Variants in ASB14 observed in about 807,000 individuals in gnomAD.
ASB14 encodes ankyrin repeat and SOCS box containing 14, also known as ankyrin repeat and SOCS box protein 14.
ASB14 carries 63 observed loss-of-function variants against 55.6 expected under a neutral mutation model. The ratio of observed to expected loss-of-function variants is 1.13; its 90% CI spans 0.92 to 1.40. The LOEUF (loss-of-function observed/expected upper bound fraction) is 1.40, where lower values mean the gene tolerates loss of function less well. Ranked by LOEUF, ASB14 falls within the 40% of genes most tolerant of loss-of-function variation. The pLI is 0.00. For missense variants in ASB14, 724 were observed against 710.4 expected, an observed-to-expected ratio of 1.02 and a Z score of -0.22; for synonymous variants, 256 against 259.9, an observed-to-expected ratio of 0.98 and a Z score of 0.15.
At chr3:57,281,268 T>G (rs2061038456) in intron 6 of ASB14, among the ~76,000 whole-genome samples, 1 of 151,696 alleles carries the variant, frequency 6.6e-6, no homozygotes, top group African/African-American at 2.4e-5. Flanking sequence ...TTAAGTGTTA[T>G]GTGAGTGATG....
intron 10 of ASB14, among the ~76,000 whole-genome samples, chr3:57,273,684 G>C (rs2060963725): frequency 6.6e-6 from 1 of 151,982 alleles, no homozygotes; most frequent in Non-Finnish European, 1.5e-5. Flanking sequence ...TTTAGCAAAG[G>C]AAAAAGACTT....
At chr3:57,270,202 TTAG>T (rs2060926826) in intron 10 of ASB14, 1 of 152,726 alleles carries the variant, frequency 6.5e-6, no homozygotes, top group African/African-American at 2.4e-5. Context: ...TATAAAATAA[TTAG>T]AACAGAGATT....
intron 9 of ASB14, among the ~76,000 whole-genome samples, chr3:57,277,090 AC>A (rs1250973043): frequency 1.4e-4 from 22 of 152,098 alleles, no homozygotes; most frequent in African/African-American, 5.1e-4. Flanking sequence ...ACATGGTGAA[AC>A]CCCGTCTCTA....
At chr3:57,277,678 G>T (rs2061000821) in intron 9 of ASB14, 89 bp downstream of exon 9, 3 of 1,206,034 alleles carry the variant, frequency 2.5e-6, no homozygotes, top group Non-Finnish European at 1.2e-6. Context: ...CTTTTAACCA[G>T]AAGAGAAGGG....
intron 5 of ASB14, among the ~76,000 whole-genome samples, chr3:57,284,368 G>T (rs1246519338): frequency 6.6e-6 from 1 of 152,110 alleles, no homozygotes; most frequent in Non-Finnish European, 1.5e-5. Context: ...GGGTTCAAGT[G>T]ATCTTCCTGC....
chr3:57,278,866 C>G lies in ASB14; in HGVS notation c.942G>C (p.Gly314=), dbSNP rs758499427. 2.5e-6 allele frequency: 4 copies of G among 1,613,642 alleles called. No homozygotes were observed. Among genetic ancestry groups the G allele is most frequent in the African/African-American group, 2.7e-5 (2 of 74,884 alleles). ...CTGCTGCACAGTGAACTGGACTGATCCCACTCTGCTTAATGGCAGCAAGAT... is the reference window on the plus strand; with the variant it reads ...CTGCTGCACAGTGAACTGGACTGATGCCACTCTGCTTAATGGCAGCAAGAT... The part of the protein sequence containing the change: ...VTDLAAIKQS[G]ISPVHCAAAG... The change falls in exon 8 of 11, where the codon GGG becomes GGC. Residue 314 remains glycine, a synonymous_variant. Transcript: ENST00000487349.
intron 1 of ASB14, among the ~76,000 whole-genome samples, 185 bp downstream of exon 1, chr3:57,292,448 A>G (rs1169608770): frequency 6.6e-6 from 1 of 152,240 alleles, no homozygotes; most frequent in African/African-American, 2.4e-5. Flanking sequence ...GCTGAAAATA[A>G]TATTTTACTT....
intron 10 of ASB14, 48 bp downstream of exon 10, chr3:57,276,480 G>C: frequency 2.2e-6 from 3 of 1,383,800 alleles, no homozygotes; most frequent in South Asian, 2.8e-5. Context: ...CAAAAAATAT[G>C]AATCATACAT....
intron 10 of ASB14, chr3:57,271,027 A>G (rs1052263483): frequency 2.0e-5 from 3 of 152,182 alleles, no homozygotes; most frequent in Admixed American, 6.5e-5. Flanking sequence ...AAGTATATAT[A>G]TACAAAGTTA....
chr3:57,273,015 T>TTACTC (rs2060955668), intron 10 of ASB14: 1 of 152,668 alleles, frequency 6.6e-6, no homozygotes, highest in Admixed American at 6.5e-5. Flanking sequence ...CAAGTTTGGT[T>TTACTC]TACTCTTCTC....
chr3:57,286,221 G>T (rs1166589941), intron 5 of ASB14, among the ~76,000 whole-genome samples: 1 of 149,062 alleles, frequency 6.7e-6, no homozygotes, highest in East Asian at 1.9e-4. Context: ...CTCTCAGGAA[G>T]TCTGTGGAAA....
At chr3:57,289,780 T>C (rs2061114330) in intron 2 of ASB14, among the ~76,000 whole-genome samples, 1 of 139,382 alleles carries the variant, frequency 7.2e-6, no homozygotes, top group South Asian at 2.3e-4. Flanking sequence ...GCAGAGTAGC[T>C]GGGACTACAG....
At chr3:57,275,199 C>G (rs1480685473) in intron 10 of ASB14, among the ~76,000 whole-genome samples, 1 of 152,120 alleles carries the variant, frequency 6.6e-6, no homozygotes, top group East Asian at 1.9e-4. Flanking sequence ...GCCTGTAATC[C>G]CAGCATTTTG....
At chr3:57,269,734 A>T (rs1334415764) in intron 10 of ASB14, 116 bp from the exon 11 acceptor site, 1 of 1,588,076 alleles carries the variant, frequency 6.3e-7, no homozygotes, top group Non-Finnish European at 8.6e-7. Context: ...GACAGTTTCT[A>T]TGGTGAAATG....
chr3:57,291,790 A>G (rs2061133302), intron 2 of ASB14, 122 bp downstream of exon 2: 1 of 786,050 alleles, frequency 1.3e-6, no homozygotes, highest in Non-Finnish European at 1.9e-6. Context: ...CAGATATTTA[A>G]TTGACAGCTC....
At position 57,277,888 on chromosome 3, in the gene ASB14, T is replaced by C. The variant is rs552249659; in HGVS notation, c.1464A>G (p.Gln488=). The C allele has an allele frequency of 7.4e-6, 12 of 1,613,476 alleles. No individual in the cohort carries two copies. The highest frequency in any genetic ancestry group is 5.5e-5 in the South Asian group (5 of 90,902). The part of the protein sequence containing the change: ...FCEVITLSWL[Q]HLSGKVVRVM... ...CTCGAACAACCTTTCCAGAGAGATGTTGCAGCCATGACAAAGTTATTACTT... is the reference window on the plus strand; with the variant it reads ...CTCGAACAACCTTTCCAGAGAGATGCTGCAGCCATGACAAAGTTATTACTT... The change falls in exon 9 of 11, where the codon CAA becomes CAG. Residue 488 remains glutamine, a synonymous_variant. Coordinates refer to ENST00000487349, the MANE Select transcript of ASB14 (RefSeq NM_001142733.3).
intron 10 of ASB14, among the ~76,000 whole-genome samples, chr3:57,274,474 G>C (rs2060971185): frequency 6.6e-6 from 1 of 152,150 alleles, no homozygotes; most frequent in South Asian, 2.1e-4. Context: ...CTTAAGGTCA[G>C]GAGGTCGAGA....
At chr3:57,275,443 C>G (rs972335288) in intron 10 of ASB14, among the ~76,000 whole-genome samples, 4 of 120,788 alleles carry the variant, frequency 3.3e-5, no homozygotes, top group African/African-American at 1.5e-4. Context: ...CAGGACAAGA[C>G]TCCATCTCAA....
intron 7 of ASB14, among the ~76,000 whole-genome samples, chr3:57,279,565 G>A (rs2061021404): frequency 6.6e-6 from 1 of 152,008 alleles, no homozygotes; most frequent in Admixed American, 6.5e-5. Flanking sequence ...TGGTGTGGTG[G>A]TGCCCACCTG....
Sources: gnomAD v4.1 joint callset for allele counts (sites outside exome capture counted in the v4.1 genomes callset) on GRCh38, gnomAD v4.1.1 for gene constraint, MANE v1.5 for transcripts, NCBI Gene and HGNC (gene_info 2026-07-23, HGNC 2026-07-21) for gene names.